The following FANK1 variants were observed in gnomAD, a reference collection of about 807,000 sequenced individuals.
FANK1 encodes fibronectin type III and ankyrin repeat domains 1.
A neutral mutation model predicts 45.3 loss-of-function variants in FANK1; 44 were observed. The observed-to-expected ratio is 0.97, with a 90% CI of 0.76 to 1.25. The LOEUF is 1.25. Ranked by LOEUF, FANK1 falls within the 50% of genes most tolerant of loss-of-function variation. The probability of loss-of-function intolerance (pLI) is 0.00; values close to 1 mark genes in which losing one functional copy is unlikely to be tolerated. For synonymous variants in FANK1, 149 were observed against 152.5 expected (o/e 0.98, Z 0.17); for missense variants, 391 against 424.4 (o/e 0.92, Z 0.69).
At chr10:125,949,532 A>G (rs1431124621) in intron 1 of FANK1, among the ~76,000 whole-genome samples, 1 of 151,958 alleles carries the variant, frequency 6.6e-6, no homozygotes, top group East Asian at 1.9e-4. Flanking sequence ...AAAGAGAATA[A>G]AATACCTAGG....
chr10:125,956,724 C>T (rs748651889), intron 1 of FANK1, among the ~76,000 whole-genome samples: 1 of 152,014 alleles, frequency 6.6e-6, no homozygotes, highest in Non-Finnish European at 1.5e-5. Flanking sequence ...ATGATGGTGA[C>T]CATGAAGGGA....
intron 2 of FANK1, 174 bp downstream of exon 2, chr10:125,980,512 C>A: frequency 1.6e-6 from 1 of 629,374 alleles, no homozygotes; most frequent in South Asian, 2.3e-5. Context: ...TTAGCAGTAA[C>A]TTTGAAATTA....
At chr10:125,901,346 T>A (rs1318813060) in intron 1 of FANK1, among the ~76,000 whole-genome samples, 2 of 152,306 alleles carry the variant, frequency 1.3e-5, no homozygotes, top group East Asian at 3.9e-4. Flanking sequence ...CAAATGTGCT[T>A]CCTCTTCCTC....
At chr10:125,922,100 A>AT (rs1946985379) in intron 1 of FANK1, among the ~76,000 whole-genome samples, 1 of 152,152 alleles carries the variant, frequency 6.6e-6, no homozygotes, top group Non-Finnish European at 1.5e-5. Context: ...GTAAGCACAT[A>AT]TTTTGATAAG....
intron 1 of FANK1, among the ~76,000 whole-genome samples, chr10:125,961,379 G>C (rs1949918796): frequency 6.6e-6 from 1 of 152,102 alleles, no homozygotes; most frequent in Non-Finnish European, 1.5e-5. Flanking sequence ...CAAAGTGCTG[G>C]GATTACAGGC....
At position 125,954,878 on chromosome 10, in the gene FANK1, G is replaced by A. The variant is rs562090111; in HGVS notation, c.14-25283G>A. Among the ~76,000 whole-genome samples the A allele has an allele frequency of 7.2e-5, 11 of 152,106 alleles. No homozygotes were observed. The East Asian group carries it at 2.1e-3, about 29-fold the overall frequency. On this transcript the variant is annotated intron_variant, in intron 1 of 10. Coordinates refer to ENST00000368693, the MANE Select transcript of FANK1 (RefSeq NM_145235.5). ...AGAGGTTGCAGCGAGCCAAGATTGTGCCACTGCAATCCAGCCTGGGCAACA... is the reference window on the plus strand; with the variant it reads ...AGAGGTTGCAGCGAGCCAAGATTGTACCACTGCAATCCAGCCTGGGCAACA...
intron 2 of FANK1, among the ~76,000 whole-genome samples, chr10:125,987,108 C>T (rs1324939812): frequency 1.3e-5 from 2 of 152,106 alleles, no homozygotes; most frequent in Non-Finnish European, 2.9e-5. Context: ...TCAGTTGTCC[C>T]TTCTTCACTG....
At chr10:125,988,403 A>G (rs988768788) in intron 2 of FANK1, 148 bp from the exon 3 acceptor site, 3 of 1,117,252 alleles carry the variant, frequency 2.7e-6, no homozygotes, top group Admixed American at 4.5e-5. Context: ...CTTGTCCTTC[A>G]TTCTCTCGGA....
chr10:125,907,476 C>T (rs749062573), intron 1 of FANK1: 268 of 985,196 alleles, frequency 2.7e-4, no homozygotes, highest in Non-Finnish European at 3.1e-4. Context: ...GATCACTGCT[C>T]AGCCTTTTGG....
chr10:125,989,315 A>G lies in FANK1; in HGVS notation c.316+640A>G, dbSNP rs760030966. ...GAGCAAGAGCCTTGTAAAAATTAGGATGGTCACAAGTGTTCTCCACGGCCC... is the reference window on the plus strand; with the variant it reads ...GAGCAAGAGCCTTGTAAAAATTAGGGTGGTCACAAGTGTTCTCCACGGCCC... On this transcript the variant is annotated intron_variant, in intron 3 of 10. Transcript: ENST00000368693. 8 of 1,550,888 alleles carry G rather than the reference A, an allele frequency of 5.2e-6. No individual in the cohort carries two copies. In the East Asian group the frequency reaches 7.3e-5, roughly 14 times the overall value.
At chr10:126,004,843 CTG>C (rs776240627) in intron 6 of FANK1, 39 bp from the exon 7 acceptor site, 3 of 1,605,518 alleles carry the variant, frequency 1.9e-6, no homozygotes, top group Non-Finnish European at 2.6e-6. Context: ...AGTTTGGTGA[CTG>C]TGCTTATTGT....
chr10:125,977,668 T>C (rs1554940247), intron 1 of FANK1, among the ~76,000 whole-genome samples: 1 of 152,074 alleles, frequency 6.6e-6, no homozygotes, highest in Non-Finnish European at 1.5e-5. Context: ...TTGCTCCACC[T>C]CAGAGAGATG....
intron 1 of FANK1, among the ~76,000 whole-genome samples, chr10:125,915,795 C>T (rs78164137): frequency 0.019 from 2,895 of 152,084 alleles, 102 homozygotes; most frequent in African/African-American, 0.066. Context: ...GTCTGGGTGA[C>T]GGAGGGAGAT....
At chr10:125,945,893 G>C (rs572161055) in intron 1 of FANK1, among the ~76,000 whole-genome samples, 75 of 152,332 alleles carry the variant, frequency 4.9e-4, no homozygotes, top group African/African-American at 1.8e-3. Flanking sequence ...CCAGCACGCA[G>C]CTGGAGATCT....
chr10:125,936,432 CAAAAAAAAAAA>C (rs11405392), intron 1 of FANK1, among the ~76,000 whole-genome samples: 1 of 115,232 alleles, frequency 8.7e-6, no homozygotes, highest in Non-Finnish European at 1.8e-5. Flanking sequence ...GATGCTGTCT[CAAAAAAAAAAA>C]AAAAAAAAAA....
intron 7 of FANK1, among the ~76,000 whole-genome samples, chr10:126,006,396 C>T (rs1464619160): frequency 1.3e-5 from 2 of 152,192 alleles, no homozygotes; most frequent in African/African-American, 2.4e-5. Flanking sequence ...GAGACAGGCA[C>T]AGAGGCAGAA....
chr10:125,958,684 G>C (rs1179096433), intron 1 of FANK1, among the ~76,000 whole-genome samples: 3 of 152,016 alleles, frequency 2.0e-5, no homozygotes, highest in Admixed American at 2.0e-4. Flanking sequence ...CCATCCTCCA[G>C]TGAGGTGATA....
intron 1 of FANK1, among the ~76,000 whole-genome samples, chr10:125,912,644 T>TG (rs1946120677): frequency 3.3e-5 from 5 of 152,256 alleles, no homozygotes; most frequent in African/African-American, 1.2e-4. Context: ...GTTTTTATTT[T>TG]ATTTTTTGAG....
intron 1 of FANK1, among the ~76,000 whole-genome samples, chr10:125,931,364 C>A (rs1038271327): frequency 3.9e-5 from 6 of 152,164 alleles, no homozygotes; most frequent in Non-Finnish European, 7.3e-5. Context: ...TTCACTGCAC[C>A]CACACCAGCA....
Sources: allele counts gnomAD v4.1 joint callset (sites outside exome capture counted in the v4.1 genomes callset), GRCh38; gene constraint gnomAD v4.1.1; transcripts MANE v1.5; gene names NCBI Gene and HGNC (gene_info 2026-07-23, HGNC 2026-07-21).